PIK3CG: variants seen among roughly 807,000 people sequenced by gnomAD.
PIK3CG encodes the protein phosphatidylinositol 4,5-bisphosphate 3-kinase catalytic subunit gamma isoform.
Under a neutral mutation model 102.3 loss-of-function variants are expected in PIK3CG, and 55 were observed. The observed-to-expected ratio is 0.54, with a 90% CI of 0.43 to 0.67. PIK3CG has a LOEUF of 0.67. PIK3CG is among the 30% of genes least tolerant of loss of function. PIK3CG has a pLI of 0.00. For missense variants in PIK3CG, 1,258 were observed against 1,391.8 expected (o/e 0.90, Z 1.53); for synonymous variants, 552 against 540.0 (o/e 1.02, Z -0.31).
rs772876864 is a variant in PIK3CG at position 106,869,460 on chromosome 7, C to T, written c.1899C>T (p.Cys633=). ...GGTTAACAATGCAGCTCCTGGACTG[C>T]AACTTCTCAGATGAAAATGTAAGAG... The part of the protein sequence containing the change: ...DVGLTMQLLD[C]NFSDENVRAI... The change falls in exon 2 of 11, where the codon TGC becomes TGT. Residue 633 remains cysteine, a synonymous_variant. Transcript: ENST00000496166. This position sits in a 1 kb window ranked among gnomAD's most constrained non-coding sequence, Gnocchi z 5.3. 3 of 1,614,058 alleles carry T rather than the reference C, an allele frequency of 1.9e-6. No individual in the cohort carries two copies. The highest frequency in any genetic ancestry group is 2.5e-6 in the Non-Finnish European group (3 of 1,180,000).
At chr7:106,870,972 T>C (rs1244683621) in intron 2 of PIK3CG, among the ~76,000 whole-genome samples, 1 of 152,266 alleles carries the variant, frequency 6.6e-6, no homozygotes, top group Non-Finnish European at 1.5e-5. Context: ...GGATGAGCTC[T>C]GTTGCAAACC....
In PIK3CG at chr7:106,867,507, A is replaced by G. The variant is rs1790327621; in HGVS notation, c.-12-43A>G. The G allele has an allele frequency of 3.3e-6, 5 of 1,492,856 alleles. No individual in the cohort carries two copies. Among genetic ancestry groups the G allele is most frequent in the Non-Finnish European group, 4.5e-6 (5 of 1,112,980 alleles). 92.5% of individuals were successfully genotyped at this position (1,492,856 alleles called of 1,614,324 possible). On this transcript the variant is annotated intron_variant, in intron 1 of 10. Transcript: ENST00000496166. The surrounding 1 kb of genome is among the most constrained non-coding windows in gnomAD (Gnocchi z 5.1). ...ATCTCACCAGAAAATATAAGGGGAAAGTGCCTTTCTTGTGACAAATCCCTG... is the reference window on the plus strand; with the variant it reads ...ATCTCACCAGAAAATATAAGGGGAAGGTGCCTTTCTTGTGACAAATCCCTG...
In PIK3CG at chr7:106,872,835, G is replaced by A. The variant is rs752876335; in HGVS notation, c.2184G>A (p.Met728Ile). The part of the protein sequence containing the change: ...EAYLRGCGTA[M>I]LHDFTQQVQV... ...ATCTGAGGGGCTGTGGCACAGCCAT[G>A]CTGCACGACTTTACCCAACAAGTCC... Residue 728 changes from methionine to isoleucine, a missense_variant, in exon 4 of 11, where the codon ATG becomes ATA. Coordinates refer to ENST00000496166, the MANE Select transcript of PIK3CG (RefSeq NM_001282426.2). This position sits in a 1 kb window ranked among gnomAD's most constrained non-coding sequence, Gnocchi z 5.3. 8 of 1,614,022 alleles carry A rather than the reference G, an allele frequency of 5.0e-6. No homozygotes were observed. In the South Asian group the frequency reaches 8.8e-5, roughly 18 times the overall value.
intron 10 of PIK3CG, among the ~76,000 whole-genome samples, chr7:106,901,250 A>G (rs1309903584): frequency 6.9e-6 from 1 of 145,416 alleles, no homozygotes; most frequent in African/African-American, 2.5e-5. Flanking sequence ...TTTTTTTTTC[A>G]TTTCTTTTTT....
rs2116449989 is a variant in PIK3CG, at chr7:106,868,791, G to A, written c.1230G>A (p.Trp410Ter). ...SPKPFTEEVL[W>*]NVWLEFSIKI... ...AACCCTTCACAGAGGAGGTGCTGTG[G>A]AATGTGTGGCTTGAGTTCAGTATCA... The change falls in exon 2 of 11, where the codon TGG (tryptophan) becomes TGA (stop). Residue 410 changes from tryptophan (W) to a stop codon, truncating the protein, a stop_gained. Transcript: ENST00000496166. LOFTEE classifies it high-confidence loss of function. The surrounding 1 kb of genome is among the most constrained non-coding windows in gnomAD (Gnocchi z 6.2). 1 of 1,614,248 alleles carries A rather than the reference G, an allele frequency of 6.2e-7. No individual in the cohort carries two copies. Among genetic ancestry groups the A allele is most frequent in the Non-Finnish European group, 8.5e-7 (1 of 1,180,054 alleles).
intron 5 of PIK3CG, among the ~76,000 whole-genome samples, chr7:106,876,007 C>T (rs1441559329): frequency 8.0e-5 from 12 of 149,846 alleles, no homozygotes; most frequent in East Asian, 3.9e-4. Flanking sequence ...CTCCGCTTCC[C>T]GGGTTCACGC....
In PIK3CG at chr7:106,867,763, G is replaced by T; in HGVS notation, c.202G>T (p.Glu68Ter). 2 of 1,613,018 alleles carry T rather than the reference G, an allele frequency of 1.2e-6. No individual in the cohort carries two copies. The highest frequency in any genetic ancestry group is 1.7e-6 in the Non-Finnish European group (2 of 1,179,922). ...GCACGTGGCCGGCCACGGCAACGTG[G>T]AGCAGATGAAGGCCCAGGTGTGGCT... ...LLHVAGHGNV[E>*]QMKAQVWLRA... The change falls in exon 2 of 11, where the codon GAG becomes TAG. Residue 68 changes from glutamate (E) to a stop codon, truncating the protein, a stop_gained. Transcript: ENST00000496166. LOFTEE classifies it high-confidence loss of function. The surrounding 1 kb of genome is among the most constrained non-coding windows in gnomAD (Gnocchi z 5.1).
At position 106,903,590 on chromosome 7, in the gene PIK3CG, T is replaced by C. The variant is rs1293212562; in HGVS notation, c.3031-1519T>C. On this transcript the variant is annotated intron_variant, in intron 10 of 10. Transcript: ENST00000496166. This position sits in a 1 kb window ranked among gnomAD's most constrained non-coding sequence, Gnocchi z 4.3. ...GATTTTAGCATCTGTTTTTGCATTT[T>C]ACTTTCCAACTTGTGGATCCTATTT... Among the ~76,000 whole-genome samples the C allele has an allele frequency of 6.6e-6, 1 of 151,946 alleles. No individual in the cohort carries two copies. The highest frequency in any genetic ancestry group is 6.5e-5 in the Admixed American group (1 of 15,268).
rs1312971259 is a variant in PIK3CG at position 106,891,810 on chromosome 7, G to T, written c.3030+5518G>T. Among the ~76,000 whole-genome samples the T allele has an allele frequency of 6.6e-6, 1 of 151,818 alleles. No homozygotes were observed. Among genetic ancestry groups the T allele is most frequent in the East Asian group, 1.9e-4 (1 of 5,174 alleles). On this transcript the variant is annotated intron_variant, in intron 10 of 10. Coordinates refer to ENST00000496166, the MANE Select transcript of PIK3CG (RefSeq NM_001282426.2). The surrounding 1 kb of genome is among the most constrained non-coding windows in gnomAD (Gnocchi z 4.4). Reference sequence around the variant, plus strand: ...GTTATTTTAATCTAGGATGACTGTGGAAATTTTCTTGCCAGTTTTATCAGG... The same window carrying T: ...GTTATTTTAATCTAGGATGACTGTGTAAATTTTCTTGCCAGTTTTATCAGG...
At position 106,868,432 on chromosome 7, in the gene PIK3CG, C is replaced by A. The variant is rs2116440435; in HGVS notation, c.871C>A (p.Gln291Lys). ...LVGETPIKNFQWVRHCLKNGE... is the reference protein window; with the variant it reads ...LVGETPIKNFKWVRHCLKNGE... ...GGGCGAAACGCCCATCAAAAACTTC[C>A]AGTGGGTGAGGCACTGCCTCAAGAA... The change falls in exon 2 of 11, where the codon CAG becomes AAG. Residue 291 changes from glutamine (Q) to lysine (K), a missense_variant. Gln to Lys is a moderately conservative substitution (Grantham distance 53). This residue lies in a region of PIK3CG where 832 missense variants were observed against 787.5 expected (regional missense o/e 1.06). Transcript: ENST00000496166. The surrounding 1 kb of genome is among the most constrained non-coding windows in gnomAD (Gnocchi z 6.2). 3 of 1,614,222 alleles carry A rather than the reference C, an allele frequency of 1.9e-6. No homozygotes were observed. The highest frequency in any genetic ancestry group is 2.2e-5 in the South Asian group (2 of 91,086).
rs1307948197 is a variant in PIK3CG at position 106,867,298 on chromosome 7, G to C, written c.-12-252G>C. Among the ~76,000 whole-genome samples the C allele has an allele frequency of 6.6e-6, 1 of 152,116 alleles. No homozygotes were observed. The highest frequency in any genetic ancestry group is 1.5e-5 in the Non-Finnish European group (1 of 68,032). ...GGGCATTCATTACTAACCAGTTTGA[G>C]AGATGAGAAACAGGCTCAGAGATTA... On this transcript the variant is annotated intron_variant, in intron 1 of 10. Transcript: ENST00000496166. The surrounding 1 kb of genome is among the most constrained non-coding windows in gnomAD (Gnocchi z 5.1).
Position 106,884,171 on chromosome 7 carries a change from A to G in PIK3CG, c.2777A>G (p.Glu926Gly). ...TTTAATTAGTTTCAGGCAGCAGTGGAGAGATTTGTTTATTCCTGTGCAGGC... is the reference window on the plus strand; with the variant it reads ...TTTAATTAGTTTCAGGCAGCAGTGGGGAGATTTGTTTATTCCTGTGCAGGC... ...PTEEKFQAAV[E>G]RFVYSCAGYC... The change falls in exon 9 of 11, where the codon GAG becomes GGG. Residue 926 changes from glutamate to glycine, a missense_variant. By Grantham distance (98) the Glu-to-Gly change is moderately conservative (BLOSUM62 -2). Coordinates refer to ENST00000496166, the MANE Select transcript of PIK3CG (RefSeq NM_001282426.2). The surrounding 1 kb of genome is among the most constrained non-coding windows in gnomAD (Gnocchi z 4.2). The G allele has an allele frequency of 6.2e-7, 1 of 1,612,842 alleles. No homozygotes were observed. Among genetic ancestry groups the G allele is most frequent in the Non-Finnish European group, 8.5e-7 (1 of 1,179,038 alleles).
At position 106,906,213 on chromosome 7, in the gene PIK3CG, A is replaced by G. The variant is rs968376561; in HGVS notation, c.*826A>G. On this transcript the variant is annotated 3_prime_UTR_variant, in exon 11 of 11. Coordinates refer to ENST00000496166, the MANE Select transcript of PIK3CG (RefSeq NM_001282426.2). ...CTGCCTCCCTTTTTCATCAATTGCG[A>G]TGCTCCCACAACTCTTTACAGACTT... 8.7e-5 allele frequency: 20 copies of G among 228,612 alleles called. No homozygotes were observed. The East Asian group carries it at 1.0e-3, about 11-fold the overall frequency. The allele number at this position is 228,612 out of a possible 1,614,324, so 14.2% of individuals were successfully genotyped here.
rs1022592657 is a variant in PIK3CG, at chr7:106,868,663, A to G, written c.1102A>G (p.Ile368Val). 76 of 1,614,102 alleles carry G rather than the reference A, an allele frequency of 4.7e-5. No homozygotes were observed. The highest frequency in any genetic ancestry group is 6.4e-5 in the Non-Finnish European group (75 of 1,180,060). The stretch of plus-strand genomic sequence containing the variant: ...CAAGTTCAGGGTCAAGATCAGAGGC[A>G]TTGATATCCCCGTCCTGCCTCGGAA... ...DRKFRVKIRG[I>V]DIPVLPRNTD... Residue 368 changes from isoleucine (I) to valine (V), a missense_variant, in exon 2 of 11, where the codon ATT becomes GTT. Physicochemically the swap from Ile to Val is conservative, Grantham distance 29. Around this residue, in one of 2 missense-constraint regions of PIK3CG, gnomAD observed 832 missense variants for 787.5 expected, o/e 1.06. Coordinates refer to ENST00000496166, the MANE Select transcript of PIK3CG (RefSeq NM_001282426.2). The surrounding 1 kb of genome is among the most constrained non-coding windows in gnomAD (Gnocchi z 6.2).
At chr7:106,896,877 A>T (rs1411042454) in intron 10 of PIK3CG, among the ~76,000 whole-genome samples, 1 of 152,216 alleles carries the variant, frequency 6.6e-6, no homozygotes, top group African/African-American at 2.4e-5. Flanking sequence ...GCCTTGACAT[A>T]CAGAATGACA....
chr7:106,901,007 C>A (rs1258137774), intron 10 of PIK3CG, among the ~76,000 whole-genome samples: 2 of 152,112 alleles, frequency 1.3e-5, no homozygotes, highest in South Asian at 2.1e-4. Context: ...TTCATTTCGA[C>A]CTTGGAAAAT....
At position 106,880,080 on chromosome 7, in the gene PIK3CG, T is replaced by C. The variant is rs927404623; in HGVS notation, c.2538+415T>C. 1.3e-5 allele frequency among the ~76,000 whole-genome samples: 2 copies of C among 152,164 alleles called. No homozygotes were observed. Among genetic ancestry groups the C allele is most frequent in the African/African-American group, 4.8e-5 (2 of 41,432 alleles). The stretch of plus-strand genomic sequence containing the variant: ...GATGCACATAAACAAATCAAGCAAA[T>C]GATTTTATGGGAAGGAGAAAGATGA... On this transcript the variant is annotated intron_variant, in intron 6 of 10. Coordinates refer to ENST00000496166, the MANE Select transcript of PIK3CG (RefSeq NM_001282426.2). The surrounding 1 kb of genome is among the most constrained non-coding windows in gnomAD (Gnocchi z 4.2).
In PIK3CG at chr7:106,883,779, G is replaced by A. The variant is rs113246368; in HGVS notation, c.2761-376G>A. ...CACTTATTAATCTGTTATACATGGG[G>A]ATCTGTGAACCCAAGCATACTCTTA... On this transcript the variant is annotated intron_variant, in intron 8 of 10. Coordinates refer to ENST00000496166, the MANE Select transcript of PIK3CG (RefSeq NM_001282426.2). The surrounding 1 kb of genome is among the most constrained non-coding windows in gnomAD (Gnocchi z 5.8). Among the ~76,000 whole-genome samples, 2,559 of 152,288 alleles carry A rather than the reference G, an allele frequency of 0.017. 80 individuals are homozygous for A. The highest frequency in any genetic ancestry group is 0.058 in the African/African-American group (2,426 of 41,544).
rs200355499 is a variant in PIK3CG at position 106,867,997 on chromosome 7, G to A, written c.436G>A (p.Glu146Lys). ...HLVQRHPPSE[E>K]SQAFQRQLTA... Reference sequence around the variant, plus strand: ...GGTGCAGCGGCACCCGCCCTCCGAGGAGTCCCAAGCCTTCCAGCGGCAGCT... The same window carrying A: ...GGTGCAGCGGCACCCGCCCTCCGAGAAGTCCCAAGCCTTCCAGCGGCAGCT... The change falls in exon 2 of 11, where the codon GAG (glutamate) becomes AAG (lysine). Residue 146 changes from glutamate (E) to lysine (K), a missense_variant. Physicochemically the swap from Glu to Lys is moderately conservative, Grantham distance 56. Transcript: ENST00000496166. The surrounding 1 kb of genome is among the most constrained non-coding windows in gnomAD (Gnocchi z 5.1). 2 of 1,612,360 alleles carry A rather than the reference G, an allele frequency of 1.2e-6. No individual in the cohort carries two copies. Among genetic ancestry groups the A allele is most frequent in the African/African-American group, 1.3e-5 (1 of 75,040 alleles).
Sources: gnomAD v4.1 joint callset for allele counts (sites outside exome capture counted in the v4.1 genomes callset) on GRCh38, gnomAD v4.1.1 for gene constraint, gnomAD v4.1.1 regional missense constraint, Gnocchi (gnomAD v3.1) non-coding constraint, MANE v1.5 for transcripts, NCBI Gene and HGNC (gene_info 2026-07-23, HGNC 2026-07-21) for gene names.